Variants in EYA4 observed in about 807,000 individuals in gnomAD.
The protein encoded by EYA4 is protein phosphatase EYA4.
EYA4 carries 31 observed loss-of-function variants against 87.9 expected under a neutral mutation model. That is an observed-to-expected ratio of 0.35 (90% CI 0.27 to 0.48). The LOEUF (loss-of-function observed/expected upper bound fraction) is 0.48, where lower values mean the gene tolerates loss of function less well. Among genes scored for constraint, EYA4 ranks in the 20% least tolerant of loss-of-function variants. The pLI is 0.99. For synonymous variants in EYA4, 263 were observed against 270.6 expected, an observed-to-expected ratio of 0.97 and a Z score of 0.28; for missense variants, 678 against 761.4, an observed-to-expected ratio of 0.89 and a Z score of 1.29.
chr6:133,319,553 T>A (rs1446646626), intron 2 of EYA4, among the ~76,000 whole-genome samples: 1 of 151,418 alleles, frequency 6.6e-6, no homozygotes, highest in Non-Finnish European at 1.5e-5. Context: ...TTAATTAAAC[T>A]TTTTTATATC....
At chr6:133,355,440 T>C (rs1783943297) in intron 2 of EYA4, among the ~76,000 whole-genome samples, 1 of 152,184 alleles carries the variant, frequency 6.6e-6, no homozygotes, top group African/African-American at 2.4e-5. Context: ...TAAATGCCCA[T>C]CAATAATAGA....
intron 13 of EYA4, among the ~76,000 whole-genome samples, chr6:133,497,241 A>G (rs913299841): frequency 6.6e-6 from 1 of 152,040 alleles, no homozygotes; most frequent in Admixed American, 6.6e-5. Context: ...TTCTTTCCCC[A>G]CAACTTGTAA....
At chr6:133,377,743 C>T (rs762418375) in intron 2 of EYA4, among the ~76,000 whole-genome samples, 1 of 151,814 alleles carries the variant, frequency 6.6e-6, no homozygotes, top group Non-Finnish European at 1.5e-5. Context: ...CCTTTAATGA[C>T]TGATGTATTA....
intron 19 of EYA4, among the ~76,000 whole-genome samples, chr6:133,526,714 A>C (rs988142913): frequency 2.6e-5 from 4 of 152,144 alleles, no homozygotes; most frequent in Admixed American, 6.6e-5. Flanking sequence ...ATTGCTGACT[A>C]CTACTTCAAA....
At chr6:133,297,869 G>T (rs572393704) in intron 2 of EYA4, among the ~76,000 whole-genome samples, 27 of 152,206 alleles carry the variant, frequency 1.8e-4, no homozygotes, top group Admixed American at 1.6e-3. Flanking sequence ...AGCTATGTGG[G>T]GTGGATATTT....
intron 17 of EYA4, among the ~76,000 whole-genome samples, 187 bp downstream of exon 17, chr6:133,515,622 AGTGTGTGTGTGTGT>A (rs72318662): frequency 6.8e-5 from 10 of 146,636 alleles, no homozygotes; most frequent in South Asian, 2.2e-4. Flanking sequence ...TGTGTGTGTG[AGTGTGTGTGTGTGT>A]GTGTGTGTGT....
intron 3 of EYA4, among the ~76,000 whole-genome samples, chr6:133,430,400 G>A (rs569082239): frequency 1.1e-4 from 16 of 152,136 alleles, no homozygotes; most frequent in East Asian, 3.9e-4. Context: ...CATGTTTTAC[G>A]GAGAATTCAA....
At chr6:133,286,538 TTA>T (rs1360514819) in intron 2 of EYA4, among the ~76,000 whole-genome samples, 1 of 152,114 alleles carries the variant, frequency 6.6e-6, no homozygotes, top group Non-Finnish European at 1.5e-5. Context: ...AAGCAATGAG[TTA>T]TGTCATAGAC....
intron 2 of EYA4, among the ~76,000 whole-genome samples, chr6:133,359,999 C>T (rs928010420): frequency 3.3e-5 from 5 of 152,150 alleles, no homozygotes; most frequent in Admixed American, 2.6e-4. Context: ...GGAAGGCAGG[C>T]TGCATCTGAA....
At chr6:133,460,214 T>G (rs1005988462) in intron 6 of EYA4, among the ~76,000 whole-genome samples, 2 of 152,122 alleles carry the variant, frequency 1.3e-5, no homozygotes, top group African/African-American at 4.8e-5. Context: ...ACTTTAATCT[T>G]TTTGAAAAGT....
chr6:133,286,051 G>A (rs1778034401), intron 2 of EYA4, among the ~76,000 whole-genome samples: 1 of 152,174 alleles, frequency 6.6e-6, no homozygotes, highest in South Asian at 2.1e-4. Context: ...GCTGGCCTGT[G>A]AAATGTAAGG....
intron 2 of EYA4, among the ~76,000 whole-genome samples, chr6:133,341,876 C>G (rs950602327): frequency 6.6e-6 from 1 of 152,170 alleles, no homozygotes; most frequent in African/African-American, 2.4e-5. Context: ...TGATTTTCAG[C>G]AGTCTCCCCA....
intron 2 of EYA4, among the ~76,000 whole-genome samples, chr6:133,368,729 T>G (rs1785043487): frequency 6.6e-6 from 1 of 152,174 alleles, no homozygotes; most frequent in Admixed American, 6.5e-5. Context: ...AATATCATAG[T>G]GGCATCAAAA....
intron 2 of EYA4, among the ~76,000 whole-genome samples, chr6:133,306,921 G>C (rs775632633): frequency 6.6e-6 from 1 of 152,178 alleles, no homozygotes; most frequent in Non-Finnish European, 1.5e-5. Context: ...GATTTATGTA[G>C]AAGGAAAACA....
upstream of EYA4, chr6:133,241,220 G>C (rs967534098): frequency 1.8e-4 from 28 of 151,958 alleles, no homozygotes; most frequent in African/African-American, 5.6e-4. Context: ...CCGCGTCCCT[G>C]GCGGCCTCCC....
chr6:133,302,188 G>A (rs950275158), intron 2 of EYA4, among the ~76,000 whole-genome samples: 9 of 152,092 alleles, frequency 5.9e-5, no homozygotes, highest in Non-Finnish European at 2.9e-5. Flanking sequence ...AGCAATAATA[G>A]GGTGGGATTT....
chr6:133,283,309 A>G (rs1298328045), intron 2 of EYA4, among the ~76,000 whole-genome samples: 1 of 151,932 alleles, frequency 6.6e-6, no homozygotes, highest in Non-Finnish European at 1.5e-5. Context: ...TAATAATAAT[A>G]ATATAAAAAA....
intron 5 of EYA4, among the ~76,000 whole-genome samples, chr6:133,450,151 A>G (rs1004261947): frequency 4.6e-5 from 7 of 151,732 alleles, no homozygotes; most frequent in African/African-American, 1.7e-4. Flanking sequence ...ACACCCAGCT[A>G]ATTTTTTGTA....
At chr6:133,527,918 G>T (rs766933428) in intron 19 of EYA4, among the ~76,000 whole-genome samples, 1 of 151,658 alleles carries the variant, frequency 6.6e-6, no homozygotes, top group Non-Finnish European at 1.5e-5. Flanking sequence ...CATTATCATC[G>T]CCAGTGGGGA....
Sources: gnomAD v4.1 joint callset for allele counts (sites outside exome capture counted in the v4.1 genomes callset) on GRCh38, gnomAD v4.1.1 for gene constraint, MANE v1.5 for transcripts, NCBI Gene and HGNC (gene_info 2026-07-23, HGNC 2026-07-21) for gene names.